Variants in CTNNBL1 observed in about 807,000 individuals in gnomAD.
The protein encoded by CTNNBL1 is catenin beta like 1.
Under a neutral mutation model 72.7 loss-of-function variants are expected in CTNNBL1, and 31 were observed. The observed-to-expected ratio is 0.43, with a 90% CI of 0.32 to 0.58. The LOEUF is 0.58. CTNNBL1 is among the 20% of genes least tolerant of loss of function. The pLI, the probability that CTNNBL1 is intolerant of heterozygous loss-of-function variation, is 0.08. For missense variants in CTNNBL1, 534 were observed against 725.1 expected (o/e 0.74, Z 3.03); for synonymous variants, 240 against 267.3 (o/e 0.90, Z 1.00).
At chr20:37,774,446 C>T (rs965428199) in intron 7 of CTNNBL1, among the ~76,000 whole-genome samples, 1 of 152,128 alleles carries the variant, frequency 6.6e-6, no homozygotes, top group Non-Finnish European at 1.5e-5. Context: ...CAGAGCTCAG[C>T]GTTGGGGAGT....
chr20:37,854,324 T>TTAA (rs1158108529), intron 13 of CTNNBL1, among the ~76,000 whole-genome samples: 3 of 152,096 alleles, frequency 2.0e-5, no homozygotes, highest in African/African-American at 7.2e-5. Flanking sequence ...TTAGAGAAAC[T>TTAA]TAATTTTGCT....
At chr20:37,871,000 C>A (rs2072579085) in intron 15 of CTNNBL1, among the ~76,000 whole-genome samples, 1 of 152,158 alleles carries the variant, frequency 6.6e-6, no homozygotes, top group Non-Finnish European at 1.5e-5. Context: ...TGGTTTGTGA[C>A]CCTCACTAGA....
chr20:37,725,265 AT>A (rs1232324604), intron 1 of CTNNBL1, among the ~76,000 whole-genome samples: 2 of 151,474 alleles, frequency 1.3e-5, no homozygotes, highest in Non-Finnish European at 2.9e-5. Flanking sequence ...CTAACTATTA[AT>A]GGTCAGAGTT....
intron 10 of CTNNBL1, among the ~76,000 whole-genome samples, chr20:37,791,048 C>T (rs1203404576): frequency 6.6e-6 from 1 of 152,172 alleles, no homozygotes; most frequent in Non-Finnish European, 1.5e-5. Flanking sequence ...ATTTCACTCA[C>T]TGTAATTATT....
At chr20:37,765,801 G>A (rs1324665269) in intron 6 of CTNNBL1, among the ~76,000 whole-genome samples, 8 of 152,138 alleles carry the variant, frequency 5.3e-5, no homozygotes, top group African/African-American at 1.9e-4. Flanking sequence ...CTACTTGGCT[G>A]TCCCTACATC....
intron 11 of CTNNBL1, chr20:37,832,148 G>A (rs990020614): frequency 9.9e-5 from 15 of 152,210 alleles, no homozygotes; most frequent in Admixed American, 4.6e-4. Flanking sequence ...AGCGAAGTTG[G>A]CCTTGCTCCA....
intron 1 of CTNNBL1, among the ~76,000 whole-genome samples, chr20:37,701,711 G>A (rs1221548241): frequency 6.6e-6 from 1 of 152,228 alleles, no homozygotes; most frequent in Admixed American, 6.5e-5. Flanking sequence ...GTAGTGAAAT[G>A]TTCAAAGCAT....
At position 37,830,817 on chromosome 20, in the gene CTNNBL1, A is replaced by AT. The variant is rs199662873; in HGVS notation, c.1214-9278dup. 9.0e-3 allele frequency among the ~76,000 whole-genome samples: 1,369 copies of AT among 152,260 alleles called. 14 individuals are homozygous for AT. The highest frequency in any genetic ancestry group is 0.052 in the South Asian group (249 of 4,826). Reference sequence around the variant, plus strand: ...AATCATTTAACACAAAACCTATTTTATTTTTTTAAAAAAGTGTTGACTGTA... The same window carrying AT: ...AATCATTTAACACAAAACCTATTTTATTTTTTTTAAAAAAGTGTTGACTGTA... On this transcript the variant is annotated intron_variant, in intron 11 of 15. Transcript: ENST00000361383.
intron 13 of CTNNBL1, among the ~76,000 whole-genome samples, chr20:37,859,314 G>A (rs1399182411): frequency 1.3e-5 from 2 of 150,380 alleles, no homozygotes; most frequent in South Asian, 2.1e-4. Context: ...CCGAGATCGC[G>A]CCTTTGCACT....
At chr20:37,821,756 T>C (rs1433049007) in intron 11 of CTNNBL1, among the ~76,000 whole-genome samples, 2 of 152,330 alleles carry the variant, frequency 1.3e-5, no homozygotes, top group Middle Eastern at 3.4e-3. Context: ...CTTGGCACTA[T>C]TGACACTTAG....
chr20:37,844,032 C>A, intron 13 of CTNNBL1, among the ~76,000 whole-genome samples: 1 of 152,230 alleles, frequency 6.6e-6, no homozygotes, highest in South Asian at 2.1e-4. Flanking sequence ...TCTTTTCTAC[C>A]CTATACAGTA....
At chr20:37,795,748 T>C (rs1402426240) in intron 10 of CTNNBL1, among the ~76,000 whole-genome samples, 3 of 152,230 alleles carry the variant, frequency 2.0e-5, no homozygotes. Flanking sequence ...GTTATAATTA[T>C]GCTTTTACTG....
chr20:37,742,697 T>G (rs145626289), intron 3 of CTNNBL1, among the ~76,000 whole-genome samples: 73 of 149,906 alleles, frequency 4.9e-4, no homozygotes, highest in African/African-American at 1.6e-3. Context: ...CATTTTGCCC[T>G]TTATCTATCT....
chr20:37,859,829 A>C, intron 13 of CTNNBL1, 70 bp from the exon 14 acceptor site: 1 of 1,529,938 alleles, frequency 6.5e-7, no homozygotes, highest in Non-Finnish European at 8.9e-7. Context: ...TATTATGGCC[A>C]GACTAGGAGT....
At chr20:37,747,062 T>C (rs1454959779) in intron 4 of CTNNBL1, among the ~76,000 whole-genome samples, 1 of 152,098 alleles carries the variant, frequency 6.6e-6, no homozygotes, top group Non-Finnish European at 1.5e-5. Context: ...AGGGAAGCTG[T>C]TCTGTTTTGT....
At chr20:37,768,654 A>C (rs2073493801) in intron 7 of CTNNBL1, among the ~76,000 whole-genome samples, 1 of 152,240 alleles carries the variant, frequency 6.6e-6, no homozygotes, top group African/African-American at 2.4e-5. Flanking sequence ...ATAGTACTAA[A>C]AGGTATTTTG....
chr20:37,731,781 A>G (rs948855281), intron 1 of CTNNBL1, among the ~76,000 whole-genome samples: 5 of 152,272 alleles, frequency 3.3e-5, no homozygotes, highest in South Asian at 4.1e-4. Context: ...GTAGAATTCT[A>G]TTGTGTATGT....
rs1298565017 is a variant in CTNNBL1 at position 37,795,135 on chromosome 20, ATT to A, written c.1032-7716_1032-7715del. ...CACAGGTGGAAATTTTTCAGTTATA[ATT>A]TTTTTTTTTTTTTTTGAGACAAGGT... On this transcript the variant is annotated intron_variant, in intron 10 of 15. Coordinates refer to ENST00000361383, the MANE Select transcript of CTNNBL1 (RefSeq NM_030877.5). Among the ~76,000 whole-genome samples the A allele has an allele frequency of 3.6e-3, 474 of 132,856 alleles. 5 individuals carry two copies. The highest frequency in any genetic ancestry group is 0.011 in the African/African-American group (406 of 36,276). The allele number at this position is 132,856 out of a possible 152,430, so 87.2% of individuals were successfully genotyped here.
intron 1 of CTNNBL1, among the ~76,000 whole-genome samples, chr20:37,729,134 G>C (rs992456279): frequency 6.6e-6 from 1 of 152,142 alleles, no homozygotes; most frequent in African/African-American, 2.4e-5. Context: ...CATATTTATA[G>C]GTGGATGTTT....
Sources: allele counts gnomAD v4.1 joint callset (sites outside exome capture counted in the v4.1 genomes callset), GRCh38; gene constraint gnomAD v4.1.1; transcripts MANE v1.5; gene names NCBI Gene and HGNC (gene_info 2026-07-23, HGNC 2026-07-21).